The following TNNI3K variants were observed in gnomAD, a reference collection of about 807,000 sequenced individuals.
TNNI3K encodes serine/threonine-protein kinase TNNI3K.
TNNI3K carries 140 observed loss-of-function variants against 114.5 expected under a neutral mutation model. The ratio of observed to expected loss-of-function variants is 1.22; its 90% CI spans 1.07 to 1.41. TNNI3K has a LOEUF of 1.41. TNNI3K is among the 40% of genes most tolerant of loss of function. TNNI3K has a pLI of 0.00. For synonymous variants in TNNI3K, 347 were observed against 347.5 expected (o/e 1.00, Z 0.02); for missense variants, 1,125 against 1,007.6 (o/e 1.12, Z -1.58).
intron 17 of TNNI3K, among the ~76,000 whole-genome samples, chr1:74,392,755 C>A (rs1313494949): frequency 1.3e-5 from 2 of 152,160 alleles, no homozygotes; most frequent in Non-Finnish European, 2.9e-5. Context: ...TCCCGAAATG[C>A]ATAATTTTTC....
chr1:74,428,051 G>A (rs1372425331), intron 17 of TNNI3K, among the ~76,000 whole-genome samples: 4 of 151,864 alleles, frequency 2.6e-5, no homozygotes, highest in African/African-American at 7.3e-5. Flanking sequence ...TAGCTTTAGA[G>A]GTAAGCCTTC....
intron 2 of TNNI3K, among the ~76,000 whole-genome samples, 200 bp downstream of exon 2, chr1:74,236,410 A>C (rs1337230621): frequency 1.3e-5 from 2 of 151,752 alleles, no homozygotes; most frequent in African/African-American, 4.8e-5. Context: ...CCTCCTTAAA[A>C]TATAAATTGT....
chr1:74,446,257 T>G (rs376007497), intron 20 of TNNI3K, among the ~76,000 whole-genome samples: 1 of 151,138 alleles, frequency 6.6e-6, no homozygotes, highest in African/African-American at 2.4e-5. Flanking sequence ...TGGTATCTCA[T>G]AGTGGTTTTG....
At chr1:74,306,428 A>G (rs1658637209) in intron 5 of TNNI3K, among the ~76,000 whole-genome samples, 1 of 152,154 alleles carries the variant, frequency 6.6e-6, no homozygotes, top group Non-Finnish European at 1.5e-5. Flanking sequence ...TGGTAGTTCT[A>G]TTTTCAATTT....
chr1:74,499,930 A>G (rs1240534753), intron 23 of TNNI3K, among the ~76,000 whole-genome samples: 1 of 152,098 alleles, frequency 6.6e-6, no homozygotes, highest in Non-Finnish European at 1.5e-5. Flanking sequence ...TTGCAAACAT[A>G]TTATTTTATT....
At chr1:74,255,234 G>T (rs375423730) in intron 4 of TNNI3K, among the ~76,000 whole-genome samples, 1 of 151,034 alleles carries the variant, frequency 6.6e-6, no homozygotes, top group Non-Finnish European at 1.5e-5. Context: ...GGCGCCTGTA[G>T]TCCCAGCTAC....
chr1:74,522,210 A>G (rs908173352), intron 23 of TNNI3K, among the ~76,000 whole-genome samples: 9 of 152,198 alleles, frequency 5.9e-5, no homozygotes, highest in Non-Finnish European at 4.4e-5. Context: ...ACACAAATAC[A>G]AGGTTATAGA....
At chr1:74,511,615 T>C (rs889826143) in intron 23 of TNNI3K, among the ~76,000 whole-genome samples, 1 of 152,106 alleles carries the variant, frequency 6.6e-6, no homozygotes, top group Non-Finnish European at 1.5e-5. Context: ...GTAGTAAATA[T>C]TGGACACCCA....
At chr1:74,537,623 C>G (rs1646675676) in intron 23 of TNNI3K, among the ~76,000 whole-genome samples, 1 of 151,994 alleles carries the variant, frequency 6.6e-6, no homozygotes, top group Admixed American at 6.6e-5. Context: ...CTGGCTAACC[C>G]CTGTGGGGAA....
chr1:74,383,103 G>T (rs185878956), intron 17 of TNNI3K, among the ~76,000 whole-genome samples: 240 of 150,714 alleles, frequency 1.6e-3, no homozygotes, highest in African/African-American at 5.7e-3. Flanking sequence ...TACAAAGAAT[G>T]TGAAAGACAT....
intron 17 of TNNI3K, among the ~76,000 whole-genome samples, chr1:74,396,534 A>G (rs1041346304): frequency 6.6e-6 from 1 of 152,226 alleles, no homozygotes; most frequent in Non-Finnish European, 1.5e-5. Context: ...TCAATCATGA[A>G]TATTCTGTTT....
At chr1:74,333,442 G>A (rs537004677) in intron 6 of TNNI3K, among the ~76,000 whole-genome samples, 5 of 152,302 alleles carry the variant, frequency 3.3e-5, no homozygotes, top group African/African-American at 1.2e-4. Context: ...TATTTGTAGA[G>A]TCATCCTCTT....
intron 11 of TNNI3K, among the ~76,000 whole-genome samples, chr1:74,357,018 T>G (rs181247307): frequency 1.3e-5 from 2 of 152,338 alleles, no homozygotes; most frequent in East Asian, 1.9e-4. Context: ...TAAAAAAATG[T>G]TGCATTGTTT....
rs766008731 is a variant in TNNI3K at position 74,436,043 on chromosome 1, A to T, written c.1773-37A>T. ...ATTAGATTAGGACATAGCAAAGCTT[A>T]CTCAATGTCTACTTTTTTTTTTTTT... On this transcript the variant is annotated intron_variant, in intron 17 of 24. Coordinates refer to ENST00000326637, the MANE Select transcript of TNNI3K (RefSeq NM_015978.3). The T allele has an allele frequency of 3.8e-6, 6 of 1,576,184 alleles. No individual in the cohort carries two copies. In the Admixed American group the frequency reaches 9.3e-5, roughly 24 times the overall value.
At chr1:74,355,527 C>A (rs1466470759) in intron 11 of TNNI3K, among the ~76,000 whole-genome samples, 1 of 151,970 alleles carries the variant, frequency 6.6e-6, no homozygotes, top group Non-Finnish European at 1.5e-5. Context: ...TCATTTGAAC[C>A]CGGGAGGCAG....
intron 5 of TNNI3K, among the ~76,000 whole-genome samples, chr1:74,313,204 C>T (rs1570453271): frequency 6.6e-6 from 1 of 152,148 alleles, no homozygotes; most frequent in African/African-American, 2.4e-5. Context: ...GGACTCACTT[C>T]CCATCCCCTC....
intron 17 of TNNI3K, among the ~76,000 whole-genome samples, chr1:74,417,438 AACTT>A (rs1299628029): frequency 6.6e-6 from 1 of 152,104 alleles, no homozygotes; most frequent in Non-Finnish European, 1.5e-5. Context: ...GCCTGGCCAA[AACTT>A]ACTTAGAAAT....
At chr1:74,483,849 C>A (rs1668619513) in intron 21 of TNNI3K, among the ~76,000 whole-genome samples, 1 of 152,126 alleles carries the variant, frequency 6.6e-6, no homozygotes, top group Non-Finnish European at 1.5e-5. Flanking sequence ...CTGAGTCTTA[C>A]ATGATTACAA....
chr1:74,454,102 A>G (rs1667134110), intron 20 of TNNI3K, among the ~76,000 whole-genome samples: 2 of 152,136 alleles, frequency 1.3e-5, no homozygotes, highest in South Asian at 4.1e-4. Context: ...ATACATAATA[A>G]TTGTACATAT....
Sources: gnomAD v4.1 joint callset for allele counts (sites outside exome capture counted in the v4.1 genomes callset) on GRCh38, gnomAD v4.1.1 for gene constraint, MANE v1.5 for transcripts, NCBI Gene and HGNC (gene_info 2026-07-23, HGNC 2026-07-21) for gene names.